FHIT: variants seen among roughly 807,000 people sequenced by gnomAD.
FHIT encodes bis(5'-adenosyl)-triphosphatase.
A neutral mutation model predicts 17.9 loss-of-function variants in FHIT; 19 were observed. The ratio of observed to expected loss-of-function variants is 1.06; its 90% CI spans 0.74 to 1.56. The LOEUF is 1.56. Ranked by LOEUF, FHIT falls within the 40% of genes most tolerant of loss-of-function variation. The pLI is 0.00. For missense variants in FHIT, 248 were observed against 189.2 expected, an observed-to-expected ratio of 1.31 and a Z score of -1.82; for synonymous variants, 81 against 69.7, an observed-to-expected ratio of 1.16 and a Z score of -0.81.
At chr3:61,138,749 T>G (rs1363203420) in intron 2 of FHIT, among the ~76,000 whole-genome samples, 3 of 152,190 alleles carry the variant, frequency 2.0e-5, no homozygotes, top group African/African-American at 7.2e-5. Context: ...GCTAGTTAGG[T>G]AGATTTATAC....
chr3:60,239,370 C>A (rs765634945), intron 5 of FHIT, among the ~76,000 whole-genome samples: 1 of 151,994 alleles, frequency 6.6e-6, no homozygotes, highest in Non-Finnish European at 1.5e-5. Context: ...TTTGAGAGCA[C>A]CCTGGGCAAC....
intron 7 of FHIT, among the ~76,000 whole-genome samples, chr3:59,976,532 A>T (rs1708419241): frequency 6.6e-6 from 1 of 152,064 alleles, no homozygotes; most frequent in Non-Finnish European, 1.5e-5. Context: ...TGGAGGGGTC[A>T]TAAGGAAAGA....
intron 4 of FHIT, among the ~76,000 whole-genome samples, chr3:60,663,814 T>A (rs1325497704): frequency 6.6e-6 from 1 of 152,230 alleles, no homozygotes; most frequent in African/African-American, 2.4e-5. Context: ...TCCTACACAT[T>A]CTTTGTTAGC....
At chr3:59,769,162 C>T (rs189665984) in intron 8 of FHIT, among the ~76,000 whole-genome samples, 34 of 152,254 alleles carry the variant, frequency 2.2e-4, no homozygotes, top group Admixed American at 1.9e-3. Context: ...TTCATAATTT[C>T]GGAGGATAGA....
chr3:60,181,883 C>CTA (rs1443350406), intron 5 of FHIT, among the ~76,000 whole-genome samples: 6 of 152,104 alleles, frequency 3.9e-5, no homozygotes, highest in African/African-American at 1.2e-4. Context: ...GTACACCCTC[C>CTA]TATATATATC....
At chr3:60,862,787 G>A (rs1036575840) in intron 3 of FHIT, among the ~76,000 whole-genome samples, 1 of 151,666 alleles carries the variant, frequency 6.6e-6, no homozygotes, top group Non-Finnish European at 1.5e-5. Context: ...GGGAGGCAGA[G>A]GTTGCAGTGA....
chr3:60,098,451 T>TGA (rs1704056542), intron 5 of FHIT, among the ~76,000 whole-genome samples: 1 of 151,860 alleles, frequency 6.6e-6, no homozygotes, highest in South Asian at 2.1e-4. Flanking sequence ...TTGATTTGCA[T>TGA]TTCTCTGATG....
At chr3:60,030,304 G>T (rs926352259) in intron 5 of FHIT, among the ~76,000 whole-genome samples, 1 of 152,164 alleles carries the variant, frequency 6.6e-6, no homozygotes, top group Non-Finnish European at 1.5e-5. Context: ...AAAACAGAAT[G>T]CAGCTATAGC....
intron 2 of FHIT, among the ~76,000 whole-genome samples, chr3:61,070,436 T>C (rs2034765261): frequency 6.6e-6 from 1 of 152,150 alleles, no homozygotes; most frequent in Non-Finnish European, 1.5e-5. Context: ...CTGAAAACAC[T>C]TGGCATGGCA....
intron 3 of FHIT, among the ~76,000 whole-genome samples, chr3:61,019,608 T>C (rs574711206): frequency 2.6e-5 from 4 of 152,354 alleles, no homozygotes; most frequent in Non-Finnish European, 5.9e-5. Context: ...TTCACATTCA[T>C]ACTCTGTGTA....
chr3:61,037,644 T>C (rs1474237902), intron 3 of FHIT, among the ~76,000 whole-genome samples: 1 of 152,174 alleles, frequency 6.6e-6, no homozygotes, highest in Non-Finnish European at 1.5e-5. Flanking sequence ...ATGAATGAAT[T>C]AATTATGTTA....
intron 8 of FHIT, among the ~76,000 whole-genome samples, chr3:59,895,300 T>C (rs1704021962): frequency 6.6e-6 from 1 of 152,252 alleles, no homozygotes; most frequent in Non-Finnish European, 1.5e-5. Context: ...GTAGGAATCA[T>C]TGTATCTTCA....
intron 4 of FHIT, among the ~76,000 whole-genome samples, chr3:60,697,868 A>AC (rs1196270165): frequency 2.6e-4 from 40 of 152,282 alleles, no homozygotes; most frequent in African/African-American, 9.6e-4. Context: ...TCAAAAACAA[A>AC]TCTGGAAAAA....
chr3:60,466,247 G>C (rs191874664), intron 5 of FHIT, among the ~76,000 whole-genome samples: 209 of 152,058 alleles, frequency 1.4e-3, no homozygotes, highest in African/African-American at 4.8e-3. Flanking sequence ...TCTTGCAACT[G>C]TACTCAATTT....
At chr3:60,281,874 G>A (rs1707474329) in intron 5 of FHIT, among the ~76,000 whole-genome samples, 2 of 152,056 alleles carry the variant, frequency 1.3e-5, no homozygotes, top group African/African-American at 2.4e-5. Flanking sequence ...ATACTGTTAA[G>A]AGAATGAAAG....
chr3:60,119,616 C>G (rs1705154478), intron 5 of FHIT, among the ~76,000 whole-genome samples: 1 of 152,030 alleles, frequency 6.6e-6, no homozygotes, highest in Admixed American at 6.6e-5. Flanking sequence ...GTACTGTCAT[C>G]GTGTCGGGTA....
Position 60,715,701 on chromosome 3 carries a change from G to C in FHIT, c.-18+106218C>G, listed in dbSNP as rs183398431. 9.1e-3 allele frequency among the ~76,000 whole-genome samples: 1,377 copies of C among 151,798 alleles called. 9 individuals are homozygous for C. Among genetic ancestry groups the C allele is most frequent in the Non-Finnish European group, 0.014 (977 of 67,898 alleles). ...ATGAGTTAATGGGTGCAGCACACCA[G>C]CATGGCACATGTATACATATGTAAC... On this transcript the variant is annotated intron_variant, in intron 4 of 9. Coordinates refer to ENST00000492590, the MANE Select transcript of FHIT (RefSeq NM_002012.4).
intron 5 of FHIT, among the ~76,000 whole-genome samples, chr3:60,441,754 A>ATATATTTATATATAT (rs1401129617): frequency 4.3e-5 from 2 of 46,384 alleles, no homozygotes; most frequent in East Asian, 9.4e-4. Flanking sequence ...TTATATATAT[A>ATATATTTATATATAT]AAAATATATA....
chr3:60,657,543 T>C (rs1268128388), intron 4 of FHIT, among the ~76,000 whole-genome samples: 1 of 152,170 alleles, frequency 6.6e-6, no homozygotes, highest in African/African-American at 2.4e-5. Flanking sequence ...AAGTCACTTA[T>C]CCATTCAATA....
Sources: allele counts gnomAD v4.1 joint callset (sites outside exome capture counted in the v4.1 genomes callset), GRCh38; gene constraint gnomAD v4.1.1; transcripts MANE v1.5; gene names NCBI Gene and HGNC (gene_info 2026-07-23, HGNC 2026-07-21).